ALDH1L2: variants seen among roughly 807,000 people sequenced by gnomAD.
ALDH1L2 encodes mitochondrial 10-formyltetrahydrofolate dehydrogenase.
In ALDH1L2, 91 loss-of-function variants were observed where a neutral mutation model predicts 111.0. The observed-to-expected ratio is 0.82, with a 90% CI of 0.69 to 0.98. ALDH1L2 has a LOEUF of 0.98. Ranked by LOEUF, ALDH1L2 falls within the 50% of genes least tolerant of loss-of-function variation. The pLI is 0.00. For synonymous variants in ALDH1L2, 374 were observed against 392.6 expected (o/e 0.95, Z 0.56); for missense variants, 995 against 1,126.8 (o/e 0.88, Z 1.67).
chr12:105,078,193 C>A (rs1306322634), intron 1 of ALDH1L2, among the ~76,000 whole-genome samples: 3 of 152,224 alleles, frequency 2.0e-5, no homozygotes, highest in Admixed American at 6.5e-5. Flanking sequence ...GGCACAACTT[C>A]TAACTTGTCT....
rs1491173048 is a variant in ALDH1L2 at position 105,036,091 on chromosome 12, T to TAA, written c.2146-1694_2146-1693insTT. ...ACGTATATTTATATATGTGTATATA[T>TAA]TATATATACGTATATTTATATATGT... On this transcript the variant is annotated intron_variant, in intron 18 of 22. Coordinates refer to ENST00000258494, the MANE Select transcript of ALDH1L2 (RefSeq NM_001034173.4). Among the ~76,000 whole-genome samples, 8 of 53,424 alleles carry TAA rather than the reference T, an allele frequency of 1.5e-4. 2 individuals are homozygous for TAA. Among genetic ancestry groups the TAA allele is most frequent in the Non-Finnish European group, 2.0e-4 (6 of 30,540 alleles). 35.0% of individuals were successfully genotyped at this position (53,424 alleles called of 152,430 possible). A position where few individuals can be genotyped will look rare whatever the true frequency, so the allele number is the denominator to read the frequency against.
At position 105,084,314 on chromosome 12, in the gene ALDH1L2, C is replaced by T. The variant is rs957400731; in HGVS notation, c.48+75G>A. The T allele has an allele frequency of 4.1e-6, 6 of 1,463,250 alleles. No homozygotes were observed. The Admixed American group carries it at 1.2e-4, about 29-fold the overall frequency. 90.6% of individuals were successfully genotyped at this position (1,463,250 alleles called of 1,614,324 possible). A position where few individuals can be genotyped will look rare whatever the true frequency, so the allele number is the denominator to read the frequency against. On this transcript the variant is annotated intron_variant, in intron 1 of 22. Transcript: ENST00000258494. ...TCGCTGCTCATCCCCAGCCCCACCGCCCCGGCCCTCCCGCCCCGGAGTCTG... is the reference window on the plus strand; with the variant it reads ...TCGCTGCTCATCCCCAGCCCCACCGTCCCGGCCCTCCCGCCCCGGAGTCTG...
intron 19 of ALDH1L2, among the ~76,000 whole-genome samples, chr12:105,033,630 A>T (rs1310237628): frequency 6.6e-6 from 1 of 152,100 alleles, no homozygotes; most frequent in African/African-American, 2.4e-5. Flanking sequence ...ATAATGACAT[A>T]GTATAAGTTA....
Position 105,020,066 on chromosome 12 carries a change from A to C in ALDH1L2, c.*4358T>G, listed in dbSNP as rs551129032. 9 of 152,270 alleles carry C rather than the reference A, an allele frequency of 5.9e-5. No homozygotes were observed. The South Asian group carries it at 1.9e-3, about 32-fold the overall frequency. The allele number at this position is 152,270 out of a possible 1,614,324, so 9.4% of individuals were successfully genotyped here. ...CATCATTGGGTATTTAATCATTTTA[A>C]AAATCTACTCAGGCATCATTTGTAT... On this transcript the variant is annotated 3_prime_UTR_variant, in exon 23 of 23. Coordinates refer to ENST00000258494, the MANE Select transcript of ALDH1L2 (RefSeq NM_001034173.4).
intron 1 of ALDH1L2, among the ~76,000 whole-genome samples, chr12:105,075,097 CACCTT>C (rs1427440557): frequency 6.6e-6 from 1 of 152,170 alleles, no homozygotes; most frequent in African/African-American, 2.4e-5. Context: ...ACATGTTTGC[CACCTT>C]ACAAAAATTT....
At chr12:105,074,195 C>T (rs1250096094) in intron 1 of ALDH1L2, 190 bp from the exon 2 acceptor site, 18 of 631,944 alleles carry the variant, frequency 2.8e-5, no homozygotes, top group East Asian at 6.8e-5. Flanking sequence ...CGGTGGCTCA[C>T]GCTTATAATC....
chr12:105,070,744 C>T lies in ALDH1L2; in HGVS notation c.254G>A (p.Gly85Asp), dbSNP rs771105831. Residue 85 changes from glycine (G) to aspartate (D), a missense_variant, in exon 3 of 23, where the codon GGC becomes GAC. Physicochemically the swap from Gly to Asp is moderately conservative, Grantham distance 94. Transcript: ENST00000258494. ...VFKLPKWRVK[G>D]KTIKEVAEAY... ...TTCTGCCACTTCTTTGATGGTCTTG[C>T]CCTTGACCCTCCATTTAGGAAGCTT... 9 of 1,614,076 alleles carry T rather than the reference C, an allele frequency of 5.6e-6. No individual in the cohort carries two copies. The East Asian group carries it at 1.6e-4, about 28-fold the overall frequency.
At chr12:105,070,167 G>C (rs1311840866) in intron 3 of ALDH1L2, among the ~76,000 whole-genome samples, 2 of 152,136 alleles carry the variant, frequency 1.3e-5, no homozygotes, top group African/African-American at 2.4e-5. Flanking sequence ...CAAACTTACT[G>C]ACCATAAAAC....
Position 105,065,248 on chromosome 12 carries a change from A to C in ALDH1L2, c.786+19T>G. On this transcript the variant is annotated intron_variant, in intron 6 of 22. Transcript: ENST00000258494. The stretch of plus-strand genomic sequence containing the variant: ...AATAATCGGGGAGGGGGGTGGGGGG[A>C]GTGGTCCCTAAAACATACCTGTCCA... 1 of 1,046,398 alleles carries C rather than the reference A, an allele frequency of 9.6e-7. No individual in the cohort carries two copies. The highest frequency in any genetic ancestry group is 1.3e-6 in the Non-Finnish European group (1 of 765,942). 64.8% of individuals were successfully genotyped at this position (1,046,398 alleles called of 1,614,324 possible). A position where few individuals can be genotyped will look rare whatever the true frequency, so the allele number is the denominator to read the frequency against.
In ALDH1L2 at chr12:105,058,168, C is replaced by T; in HGVS notation, c.1192G>A (p.Asp398Asn). 6.2e-7 allele frequency: 1 copy of T among 1,612,350 alleles called. No homozygotes were observed. The highest frequency in any genetic ancestry group is 8.5e-7 in the Non-Finnish European group (1 of 1,179,384). ...KCGGLQLQNE[D>N]VYMATKFEGF... ...TCAAACTTGGTGGCCATATAGACAT[C>T]TTCATTCTGCAACTGAAGCCCACCA... The change falls in exon 10 of 23, where the codon GAT becomes AAT. Residue 398 changes from aspartate (D) to asparagine (N), a missense_variant. Physicochemically the swap from Asp to Asn is conservative, Grantham distance 23. Transcript: ENST00000258494.
rs1874091571 is a variant in ALDH1L2 at position 105,020,137 on chromosome 12, C to G, written c.*4287G>C. 6.6e-6 allele frequency: 1 copy of G among 152,010 alleles called. No individual in the cohort carries two copies. The allele number at this position is 152,010 out of a possible 1,614,324, so 9.4% of individuals were successfully genotyped here. ...CCCCCTTATTTCTCATGTCTCATGCCTTATCCATCATCCCTCATATCCTAC... is the reference window on the plus strand; with the variant it reads ...CCCCCTTATTTCTCATGTCTCATGCGTTATCCATCATCCCTCATATCCTAC... On this transcript the variant is annotated 3_prime_UTR_variant, in exon 23 of 23. Transcript: ENST00000258494.
intron 15 of ALDH1L2, 94 bp from the exon 16 acceptor site, chr12:105,040,788 A>C (rs1205831255): frequency 7.0e-4 from 682 of 969,668 alleles, no homozygotes; most frequent in Non-Finnish European, 9.5e-4. Flanking sequence ...ACTAGATCTC[A>C]TTTTATTTTT....
At chr12:105,068,408 CT>C (rs1287994742) in intron 4 of ALDH1L2, among the ~76,000 whole-genome samples, 22 of 152,014 alleles carry the variant, frequency 1.4e-4, no homozygotes, top group African/African-American at 5.3e-4. Flanking sequence ...ATTCAATCTA[CT>C]TCTTTACAAT....
At chr12:105,046,493 C>T (rs1272295194) in intron 15 of ALDH1L2, among the ~76,000 whole-genome samples, 2 of 151,366 alleles carry the variant, frequency 1.3e-5, no homozygotes, top group Non-Finnish European at 2.9e-5. Context: ...ATGCTTGCTT[C>T]TATTATTATG....
chr12:105,039,715 C>T lies in ALDH1L2; in HGVS notation c.2043G>A (p.Lys681=). 1.2e-6 allele frequency: 2 copies of T among 1,613,512 alleles called. No homozygotes were observed. The highest frequency in any genetic ancestry group is 1.1e-5 in the South Asian group (1 of 91,050). The part of the protein sequence containing the change: ...GSTPIGKQIM[K]SCAVSNLKKV... ...AATCAACATTTTAAAACCAATACCT[C>T]TTCATGATCTGTTTGCCAATAGGAG... The change falls in exon 17 of 23, where the codon AAG becomes AAA. Residue 681 remains lysine (K), a splice_region_variant and synonymous_variant. Transcript: ENST00000258494.
chr12:105,061,460 T>C (rs1876998900), intron 8 of ALDH1L2, among the ~76,000 whole-genome samples, 167 bp downstream of exon 8: 1 of 152,192 alleles, frequency 6.6e-6, no homozygotes, highest in Non-Finnish European at 1.5e-5. Flanking sequence ...AGTTTGTATA[T>C]ACTGTGTTTA....
intron 10 of ALDH1L2, among the ~76,000 whole-genome samples, chr12:105,053,636 G>T (rs962211757): frequency 3.3e-5 from 5 of 152,114 alleles, no homozygotes; most frequent in African/African-American, 1.2e-4. Flanking sequence ...TAGCAAGAAG[G>T]TCTCTTGCCT....
At chr12:105,067,976 C>T (rs1269438875) in intron 4 of ALDH1L2, among the ~76,000 whole-genome samples, 1 of 152,176 alleles carries the variant, frequency 6.6e-6, no homozygotes, top group Non-Finnish European at 1.5e-5. Flanking sequence ...GAAACCAAAG[C>T]TACAGAGGCT....
In ALDH1L2 at chr12:105,035,923, C is replaced by CGT. The variant is rs1874974529; in HGVS notation, c.2146-1526_2146-1525insAC. Among the ~76,000 whole-genome samples, 7 of 75,732 alleles carry CGT rather than the reference C, an allele frequency of 9.2e-5. 2 individuals carry two copies. Among genetic ancestry groups the CGT allele is most frequent in the African/African-American group, 3.4e-4 (4 of 11,646 alleles). 49.7% of individuals were successfully genotyped at this position (75,732 alleles called of 152,430 possible). On this transcript the variant is annotated intron_variant, in intron 18 of 22. Coordinates refer to ENST00000258494, the MANE Select transcript of ALDH1L2 (RefSeq NM_001034173.4). ...TATGTGTATATATATTATATATATA[C>CGT]ATATATTTATATGTGTATATATATT...
Sources: allele counts gnomAD v4.1 joint callset (sites outside exome capture counted in the v4.1 genomes callset), GRCh38; gene constraint gnomAD v4.1.1; transcripts MANE v1.5; gene names NCBI Gene and HGNC (gene_info 2026-07-23, HGNC 2026-07-21).